Variants in ADAM22 observed in about 807,000 individuals in gnomAD.
The protein encoded by ADAM22 is disintegrin and metalloproteinase domain-containing protein 22.
Under a neutral mutation model 144.6 loss-of-function variants are expected in ADAM22, and 65 were observed. The ratio of observed to expected loss-of-function variants is 0.45; its 90% CI spans 0.37 to 0.55. The LOEUF is 0.55. ADAM22 is among the 20% of genes least tolerant of loss of function. The pLI, the probability that ADAM22 is intolerant of heterozygous loss-of-function variation, is 0.00. For missense variants in ADAM22, 974 were observed against 1,184.9 expected (o/e 0.82, Z 2.61); for synonymous variants, 391 against 412.6 (o/e 0.95, Z 0.63).
intron 3 of ADAM22, among the ~76,000 whole-genome samples, chr7:88,010,010 G>A (rs749446461): frequency 7.8e-4 from 116 of 148,880 alleles, no homozygotes; most frequent in Non-Finnish European, 1.4e-3. Context: ...ATTCCAACCC[G>A]TTATGGTTGA....
intron 3 of ADAM22, among the ~76,000 whole-genome samples, chr7:88,039,430 A>C (rs1802418924): frequency 7.7e-6 from 1 of 129,790 alleles, no homozygotes. Flanking sequence ...CAACAGGGCA[A>C]CAGAGCGAGA....
At chr7:88,078,399 A>T (rs2129482307) in intron 4 of ADAM22, among the ~76,000 whole-genome samples, 1 of 152,370 alleles carries the variant, frequency 6.6e-6, no homozygotes, top group South Asian at 2.1e-4. Flanking sequence ...GATGGGGAAA[A>T]AACAGAGCAG....
At position 87,957,316 on chromosome 7, in the gene ADAM22, A is replaced by G. The variant is rs144090563; in HGVS notation, c.247-21020A>G. 3.3e-5 allele frequency among the ~76,000 whole-genome samples: 5 copies of G among 152,314 alleles called. No homozygotes were observed. The East Asian group carries it at 9.6e-4, about 29-fold the overall frequency. ...AAATTGACCATGTGAGGGTGCTTGT[A>G]AAACTTTCTTCAGTTTGTTTAATAT... On this transcript the variant is annotated intron_variant, in intron 2 of 31. Transcript: ENST00000413139.
chr7:88,116,788 A>C lies in ADAM22; in HGVS notation c.581A>C (p.Glu194Ala), dbSNP rs61753550. The C allele has an allele frequency of 1.0e-3, 1,618 of 1,613,436 alleles. 34 individuals carry two copies. The Admixed American group carries it at 0.022, about 22-fold the overall frequency. Residue 194 changes from glutamate (E) to alanine (A), a missense_variant, in exon 7 of 32, where the codon GAA (glutamate) becomes GCA (alanine). Coordinates refer to ENST00000413139, the MANE Select transcript of ADAM22 (RefSeq NM_001324418.2). ...FHSVYKSRLF[E>A]FSLDDLPSEF... The stretch of plus-strand genomic sequence containing the variant: ...TCAGTTTACAAATCCAGACTGTTTG[A>C]ATTTTCCTTGGATGATCTTCCATCT...
chr7:88,155,738 C>T (rs186522384), intron 21 of ADAM22, 149 bp from the exon 22 acceptor site: 1 of 838,500 alleles, frequency 1.2e-6, no homozygotes, highest in African/African-American at 1.8e-5. Flanking sequence ...AGGTGGCACA[C>T]TAATTTGGAC....
chr7:88,006,879 A>G (rs931736165), intron 3 of ADAM22, among the ~76,000 whole-genome samples: 2 of 130,478 alleles, frequency 1.5e-5, no homozygotes, highest in African/African-American at 2.8e-5. Flanking sequence ...CCTATTCAAC[A>G]TAGTGTTGGA....
intron 3 of ADAM22, among the ~76,000 whole-genome samples, chr7:87,984,246 G>A (rs1637489): frequency 0.6 from 91,524 of 151,938 alleles, 28,831 homozygotes; most frequent in African/African-American, 0.79. Context: ...CCTGCCACTG[G>A]TAGATCCCCC....
chr7:88,027,730 A>G (rs1407685154), intron 3 of ADAM22, among the ~76,000 whole-genome samples: 1 of 150,870 alleles, frequency 6.6e-6, no homozygotes, highest in Non-Finnish European at 1.5e-5. Context: ...TTCTTGTACT[A>G]ACTTTGGATG....
intron 3 of ADAM22, among the ~76,000 whole-genome samples, chr7:88,051,850 T>C (rs1806522281): frequency 6.6e-6 from 1 of 151,766 alleles, no homozygotes; most frequent in Non-Finnish European, 1.5e-5. Context: ...AGACCCATTG[T>C]GCCCACTGAG....
intron 3 of ADAM22, among the ~76,000 whole-genome samples, chr7:88,009,126 T>A (rs2129459112): frequency 6.6e-6 from 1 of 152,218 alleles, no homozygotes; most frequent in Non-Finnish European, 1.5e-5. Flanking sequence ...AGTCTAAGAT[T>A]TTATGGCATT....
At chr7:88,067,973 C>T (rs1421571432) in intron 3 of ADAM22, among the ~76,000 whole-genome samples, 1 of 152,082 alleles carries the variant, frequency 6.6e-6, no homozygotes, top group African/African-American at 2.4e-5. Context: ...TTTTAATTCC[C>T]TTTTGTAGTT....
At chr7:88,155,143 T>C (rs1029699923) in intron 21 of ADAM22, among the ~76,000 whole-genome samples, 12 of 152,122 alleles carry the variant, frequency 7.9e-5, no homozygotes, top group African/African-American at 2.9e-4. Flanking sequence ...CAGCCTATAA[T>C]TTCTTCTTTA....
At chr7:87,963,669 A>G (rs1848465394) in intron 2 of ADAM22, among the ~76,000 whole-genome samples, 1 of 152,180 alleles carries the variant, frequency 6.6e-6, no homozygotes, top group Non-Finnish European at 1.5e-5. Flanking sequence ...CATGAAGAAA[A>G]CAGTATCTGA....
chr7:88,154,033 ACACTGTGTGCTAAG>A (rs1447096352), intron 21 of ADAM22, among the ~76,000 whole-genome samples: 1 of 152,220 alleles, frequency 6.6e-6, no homozygotes, highest in Non-Finnish European at 1.5e-5. Context: ...GATTGAGTGA[ACACTGTGTGCTAAG>A]CACTGTATCA....
chr7:87,968,825 G>A (rs1279312851), intron 2 of ADAM22, among the ~76,000 whole-genome samples: 1 of 152,182 alleles, frequency 6.6e-6, no homozygotes, highest in East Asian at 1.9e-4. Context: ...GGGTTAGTTG[G>A]CTTATGGTTC....
chr7:87,986,778 T>G (rs760549078), intron 3 of ADAM22, among the ~76,000 whole-genome samples: 2 of 152,202 alleles, frequency 1.3e-5, no homozygotes, highest in Non-Finnish European at 2.9e-5. Context: ...TTTAGATATT[T>G]TTAGTATTAC....
At chr7:87,979,247 C>A (rs899136474) in intron 3 of ADAM22, among the ~76,000 whole-genome samples, 6 of 152,098 alleles carry the variant, frequency 3.9e-5, no homozygotes, top group African/African-American at 1.4e-4. Flanking sequence ...AATGGGGAAC[C>A]AGCTAGATGG....
intron 4 of ADAM22, among the ~76,000 whole-genome samples, chr7:88,103,011 T>C (rs1207009821): frequency 6.6e-6 from 1 of 152,114 alleles, no homozygotes; most frequent in Non-Finnish European, 1.5e-5. Context: ...CAATAGCCTA[T>C]TGGAGAAGTA....
chr7:88,116,175 TTTTTAGTAA>T (rs2129490291), intron 6 of ADAM22, among the ~76,000 whole-genome samples: 1 of 152,340 alleles, frequency 6.6e-6, no homozygotes, highest in East Asian at 1.9e-4. Flanking sequence ...CTAATTTTTT[TTTTTAGTAA>T]TTGGATGAAG....
Sources: allele counts gnomAD v4.1 joint callset (sites outside exome capture counted in the v4.1 genomes callset), GRCh38; gene constraint gnomAD v4.1.1; transcripts MANE v1.5; gene names NCBI Gene and HGNC (gene_info 2026-07-23, HGNC 2026-07-21).